CCDC178: variants seen among roughly 807,000 people sequenced by gnomAD.
CCDC178 encodes coiled-coil domain-containing protein 178.
In CCDC178, 126 loss-of-function variants were observed where a neutral mutation model predicts 117.4. The observed-to-expected ratio is 1.07, with a 90% confidence interval of 0.93 to 1.24. CCDC178 has a LOEUF of 1.24. CCDC178 is among the 50% of genes most tolerant of loss of function. The pLI is 0.00. For missense variants in CCDC178, 1,030 were observed against 986.9 expected, an observed-to-expected ratio of 1.04 and a Z score of -0.59; for synonymous variants, 283 against 313.4, an observed-to-expected ratio of 0.90 and a Z score of 1.02.
chr18:33,323,897 T>G (rs141728553), intron 10 of CCDC178, among the ~76,000 whole-genome samples: 2 of 151,912 alleles, frequency 1.3e-5, no homozygotes, highest in Non-Finnish European at 3.0e-5. Flanking sequence ...ATAAAAAATT[T>G]TTATTACTCA....
chr18:33,237,232 AAGGAT>A (rs2059435337), intron 15 of CCDC178, among the ~76,000 whole-genome samples: 1 of 152,082 alleles, frequency 6.6e-6, no homozygotes, highest in Non-Finnish European at 1.5e-5. Flanking sequence ...AGCCTGGGTC[AAGGAT>A]TGGCTGTGAC....
intron 11 of CCDC178, among the ~76,000 whole-genome samples, chr18:33,302,595 C>A (rs1825681259): frequency 6.6e-6 from 1 of 152,020 alleles, no homozygotes; most frequent in Non-Finnish European, 1.5e-5. Flanking sequence ...TGCACAATAG[C>A]CAAGATATGG....
chr18:32,990,282 A>G (rs1031630087), intron 21 of CCDC178, among the ~76,000 whole-genome samples: 5 of 152,142 alleles, frequency 3.3e-5, no homozygotes, highest in Non-Finnish European at 7.4e-5. Context: ...AATTTTAGGA[A>G]CAAGTAGCAA....
At chr18:33,429,374 G>C (rs1164248351) in intron 2 of CCDC178, among the ~76,000 whole-genome samples, 3 of 150,994 alleles carry the variant, frequency 2.0e-5, no homozygotes, top group African/African-American at 7.3e-5. Context: ...GAGAGAGACA[G>C]ACAGAGAGAG....
At chr18:33,043,277 C>T (rs1301822956) in intron 21 of CCDC178, among the ~76,000 whole-genome samples, 1 of 152,076 alleles carries the variant, frequency 6.6e-6, no homozygotes, top group Non-Finnish European at 1.5e-5. Flanking sequence ...ACTGAAGAAA[C>T]TGTCATATTG....
intron 21 of CCDC178, among the ~76,000 whole-genome samples, chr18:32,977,769 C>G (rs1039437505): frequency 6.6e-6 from 1 of 152,078 alleles, no homozygotes; most frequent in Non-Finnish European, 1.5e-5. Context: ...TTATTTGGAG[C>G]CAGCTTAGCT....
chr18:33,287,184 G>A (rs935798235), intron 12 of CCDC178, among the ~76,000 whole-genome samples: 2 of 152,020 alleles, frequency 1.3e-5, no homozygotes, highest in Non-Finnish European at 2.9e-5. Context: ...ATCATTTTAA[G>A]TTGTATGTGC....
chr18:33,348,802 T>C (rs1016988725), intron 8 of CCDC178, 88 bp downstream of exon 8: 40 of 825,426 alleles, frequency 4.8e-5, no homozygotes, highest in Middle Eastern at 7.0e-4. Flanking sequence ...TTCTTAAACA[T>C]GATTATTGTG....
intron 21 of CCDC178, among the ~76,000 whole-genome samples, chr18:33,079,574 T>C (rs1193894424): frequency 6.7e-6 from 1 of 150,278 alleles, no homozygotes; most frequent in South Asian, 2.1e-4. Flanking sequence ...CTTAAACAAA[T>C]TTACAAGCCA....
chr18:32,946,750 G>GT (rs1197652883), intron 22 of CCDC178, among the ~76,000 whole-genome samples: 31 of 135,484 alleles, frequency 2.3e-4, no homozygotes, highest in East Asian at 1.5e-3. Flanking sequence ...TGTTTTTGTT[G>GT]TTTTTTTTGT....
In CCDC178 at chr18:33,215,669, G is replaced by A; in HGVS notation, c.1959C>T (p.Asp653=). The change falls in exon 19 of 23, where the codon GAC becomes GAT. Residue 653 remains aspartate, a synonymous_variant. Transcript: ENST00000383096. ...TESKRSAIFK[D]LEATKSKTMI... ...TTGTCTTACTTTTAGTTGCTTCTAG[G>A]TCTTTAAAAATTGCTGAGCGTTTAC... The A allele has an allele frequency of 6.6e-7, 1 of 1,525,236 alleles. No homozygotes were observed. Among genetic ancestry groups the A allele is most frequent in the Non-Finnish European group, 8.7e-7 (1 of 1,144,264 alleles). The allele number at this position is 1,525,236 out of a possible 1,614,324, so 94.5% of individuals were successfully genotyped here. A position where few individuals can be genotyped will look rare whatever the true frequency, so the allele number is the denominator to read the frequency against.
chr18:33,245,479 CAT>C (rs1229955276), intron 14 of CCDC178, 51 bp from the exon 15 acceptor site: 2 of 1,291,770 alleles, frequency 1.5e-6, no homozygotes, highest in Non-Finnish European at 2.0e-6. Flanking sequence ...GTGAGACAAA[CAT>C]ATTTAATAAT....
chr18:33,436,671 A>G (rs2064295843), intron 2 of CCDC178, among the ~76,000 whole-genome samples: 1 of 152,258 alleles, frequency 6.6e-6, no homozygotes, highest in Non-Finnish European at 1.5e-5. Context: ...AAGATGTATC[A>G]GCCTGCCAGC....
chr18:32,998,328 G>A (rs1486163150), intron 21 of CCDC178, among the ~76,000 whole-genome samples: 3 of 152,156 alleles, frequency 2.0e-5, no homozygotes, highest in Non-Finnish European at 4.4e-5. Flanking sequence ...CAGAACCCCC[G>A]AGTTCCAGCA....
rs551226035 is a variant in CCDC178, at chr18:33,103,762, G to T, written c.2239-10852C>A. Among the ~76,000 whole-genome samples the T allele has an allele frequency of 2.6e-5, 4 of 151,798 alleles. No homozygotes were observed. The South Asian group carries it at 8.3e-4, about 31-fold the overall frequency. ...TCTTGCATTATAAGTAGATAGAGAG[G>T]TCTGCTCAGTTTTTGACTCCTGAAA... On this transcript the variant is annotated intron_variant, in intron 20 of 22. Transcript: ENST00000383096.
intron 21 of CCDC178, among the ~76,000 whole-genome samples, chr18:33,025,894 A>G (rs1321803883): frequency 6.6e-6 from 1 of 152,164 alleles, no homozygotes; most frequent in African/African-American, 2.4e-5. Flanking sequence ...GAGAAGTGAC[A>G]TGTTCACACA....
chr18:33,046,599 T>C (rs1754178494), intron 21 of CCDC178, among the ~76,000 whole-genome samples: 1 of 151,780 alleles, frequency 6.6e-6, no homozygotes, highest in Non-Finnish European at 1.5e-5. Context: ...AGGAAAAAAA[T>C]TAAACAAGCA....
At chr18:33,292,777 A>G (rs2060184259) in intron 12 of CCDC178, among the ~76,000 whole-genome samples, 1 of 152,062 alleles carries the variant, frequency 6.6e-6, no homozygotes, top group Non-Finnish European at 1.5e-5. Context: ...TTGACACACA[A>G]TAATTGTACA....
chr18:33,283,962 C>T (rs1177669590), intron 12 of CCDC178, among the ~76,000 whole-genome samples: 1 of 152,210 alleles, frequency 6.6e-6, no homozygotes, highest in African/African-American at 2.4e-5. Context: ...TACGTATGTT[C>T]ATTGCAGCAC....
Sources: gnomAD v4.1 joint callset for allele counts (sites outside exome capture counted in the v4.1 genomes callset) on GRCh38, gnomAD v4.1.1 for gene constraint, MANE v1.5 for transcripts, NCBI Gene and HGNC (gene_info 2026-07-23, HGNC 2026-07-21) for gene names.